Variants in ACOT12 observed in about 807,000 individuals in gnomAD.
ACOT12 encodes acyl-CoA thioesterase 12, also known as acetyl-coenzyme A thioesterase.
Under a neutral mutation model 67.7 loss-of-function variants are expected in ACOT12, and 51 were observed. The observed-to-expected ratio is 0.75, with a 90% confidence interval of 0.60 to 0.95. The LOEUF (loss-of-function observed/expected upper bound fraction) is 0.95. Ranked by LOEUF, ACOT12 falls within the 40% of genes least tolerant of loss-of-function variation. The probability of loss-of-function intolerance (pLI) is 0.00; values close to 1 mark genes in which losing one functional copy is unlikely to be tolerated. For synonymous variants in ACOT12, 251 were observed against 244.6 expected (o/e 1.03, Z -0.24); for missense variants, 734 against 708.1 (o/e 1.04, Z -0.41).
Position 81,393,715 on chromosome 5 carries a change from CAACA to C in ACOT12, c.127+269_127+272del, listed in dbSNP as rs549066696. Among the ~76,000 whole-genome samples, 1,146 of 151,312 alleles carry C rather than the reference CAACA, an allele frequency of 7.6e-3. 14 individuals carry two copies. The highest frequency in any genetic ancestry group is 0.025 in the African/African-American group (1,035 of 41,164). On this transcript the variant is annotated intron_variant, in intron 1 of 14. Coordinates refer to ENST00000307624, the MANE Select transcript of ACOT12 (RefSeq NM_130767.3). ...CCGGGAGAGAGCTCAACAACAACAA[CAACA>C]AACAAACAAACAAAAAACCCCGCAG...
chr5:81,309,188 A>T, the ACOT12 span: 1 of 547,330 alleles, frequency 1.8e-6, no homozygotes, highest in Non-Finnish European at 3.0e-6. Context: ...TATCATATGT[A>T]CTAGGCTTTT....
intron 12 of ACOT12, 150 bp downstream of exon 12, chr5:81,335,618 C>T: frequency 1.1e-6 from 1 of 928,478 alleles, no homozygotes; most frequent in Non-Finnish European, 1.6e-6. Flanking sequence ...CCTGCCTCAG[C>T]CTCCCAAAGT....
At chr5:81,393,915 C>CA (rs1052582484) in intron 1 of ACOT12, 73 bp downstream of exon 1, 3 of 1,268,342 alleles carry the variant, frequency 2.4e-6, no homozygotes, top group African/African-American at 3.2e-5. Flanking sequence ...CTTCCTACCC[C>CA]CCCCAGCCCC....
intron 10 of ACOT12, 102 bp downstream of exon 10, chr5:81,343,716 C>T: frequency 8.8e-6 from 10 of 1,133,772 alleles, no homozygotes; most frequent in Admixed American, 2.4e-5. Flanking sequence ...CACCTTTTCA[C>T]ATAGCCTGCG....
Position 81,343,874 on chromosome 5 carries a change from C to T in ACOT12, c.988G>A (p.Val330Ile). Residue 330 changes from valine to isoleucine, a missense_variant, in exon 10 of 15, where the codon GTT (valine) becomes ATT (isoleucine). Val to Ile is a conservative substitution (Grantham distance 29). Coordinates refer to ENST00000307624, the MANE Select transcript of ACOT12 (RefSeq NM_130767.3). The stretch of plus-strand genomic sequence containing the variant: ...GGAACCTCTTCTTTGTGGGAAATAA[C>T]ATATTTTCTGGAAAAAAAAATTAAA... ...RKRIRLGRKY[V>I]ISHKEEVPLC... The T allele has an allele frequency of 1.2e-6, 2 of 1,612,752 alleles. No homozygotes were observed. The highest frequency in any genetic ancestry group is 8.5e-7 in the Non-Finnish European group (1 of 1,179,610).
Position 81,394,019 on chromosome 5 carries a change from G to T in ACOT12, c.96C>A (p.Leu32=). 1 of 1,456,760 alleles carries T rather than the reference G, an allele frequency of 6.9e-7. No individual in the cohort carries two copies. The highest frequency in any genetic ancestry group is 3.0e-5 in the East Asian group (1 of 33,656). The allele number at this position is 1,456,760 out of a possible 1,614,324, so 90.2% of individuals were successfully genotyped here. ...GGCAGGCGGTGGTGTCGATCCACTTGAGCAGCTGCCCCGCGCTCAGCTCGC... is the reference window on the plus strand; with the variant it reads ...GGCAGGCGGTGGTGTCGATCCACTTTAGCAGCTGCCCCGCGCTCAGCTCGC... ...ARGELSAGQL[L]KWIDTTACLA... Residue 32 remains leucine (L), a synonymous_variant, in exon 1 of 15, where the codon CTC becomes CTA. Coordinates refer to ENST00000307624, the MANE Select transcript of ACOT12 (RefSeq NM_130767.3).
At chr5:81,326,511 A>G (rs368172685), downstream of ACOT12, among the ~76,000 whole-genome samples, 9 of 152,266 alleles carry the variant, frequency 5.9e-5, no homozygotes, top group East Asian at 1.5e-3. Flanking sequence ...GAAGGACTAT[A>G]TTACTCATGA....
Position 81,393,956 on chromosome 5 carries a change from C to T in ACOT12, c.127+32G>A, listed in dbSNP as rs577233060. On this transcript the variant is annotated intron_variant, in intron 1 of 14. Transcript: ENST00000307624. The stretch of plus-strand genomic sequence containing the variant: ...GCCGCCGCTCCCGCAGCCCCGGTCC[C>T]GCGCCTCCCCGCAGCCCCGGCGCCC... 3.8e-6 allele frequency: 5 copies of T among 1,310,030 alleles called. No homozygotes were observed. The South Asian group carries it at 1.1e-4, about 29-fold the overall frequency. The allele number at this position is 1,310,030 out of a possible 1,614,324, so 81.2% of individuals were successfully genotyped here. A position where few individuals can be genotyped will look rare whatever the true frequency, so the allele number is the denominator to read the frequency against.
At chr5:81,315,205 T>TG in the ACOT12 span, among the ~76,000 whole-genome samples, 1 of 152,152 alleles carries the variant, frequency 6.6e-6, no homozygotes, top group African/African-American at 2.4e-5. Context: ...CACTTTCCCC[T>TG]GGGGAAAAAG....
intron 3 of ACOT12, among the ~76,000 whole-genome samples, chr5:81,366,433 C>G (rs1313199613): frequency 6.6e-6 from 1 of 152,122 alleles, no homozygotes; most frequent in Non-Finnish European, 1.5e-5. Flanking sequence ...AATATAAGCA[C>G]CATGAACTCA....
chr5:81,312,238 G>A, the ACOT12 span, among the ~76,000 whole-genome samples: 5 of 152,206 alleles, frequency 3.3e-5, no homozygotes, highest in African/African-American at 1.2e-4. Flanking sequence ...GCTGTTTACA[G>A]ACTCTTGGAA....
intron 5 of ACOT12, among the ~76,000 whole-genome samples, chr5:81,352,094 G>A (rs971158948): frequency 1.3e-5 from 2 of 152,172 alleles, no homozygotes; most frequent in African/African-American, 4.8e-5. Context: ...TTATCCCAAA[G>A]ACAGGCAATA....
chr5:81,339,381 G>C (rs1024345210), intron 11 of ACOT12, among the ~76,000 whole-genome samples: 4 of 152,154 alleles, frequency 2.6e-5, no homozygotes, highest in Admixed American at 1.3e-4. Context: ...AGTGGTTCAT[G>C]TCATTCTGGC....
At chr5:81,365,949 C>T (rs993745708) in intron 3 of ACOT12, among the ~76,000 whole-genome samples, 3 of 152,146 alleles carry the variant, frequency 2.0e-5, no homozygotes, top group Non-Finnish European at 2.9e-5. Context: ...GGACCATATA[C>T]AGGGTGAAAC....
intron 3 of ACOT12, among the ~76,000 whole-genome samples, chr5:81,364,594 A>G (rs1326763334): frequency 1.3e-5 from 2 of 151,878 alleles, no homozygotes; most frequent in Non-Finnish European, 2.9e-5. Flanking sequence ...CACCCAGCTA[A>G]TTTTTTGTAT....
downstream of ACOT12, among the ~76,000 whole-genome samples, chr5:81,327,877 T>A (rs896118462): frequency 6.6e-5 from 10 of 152,238 alleles, no homozygotes; most frequent in Admixed American, 6.5e-4. Flanking sequence ...TCAGTGGGAC[T>A]AATTTTTCTA....
At chr5:81,364,520 C>T (rs559844022) in intron 3 of ACOT12, among the ~76,000 whole-genome samples, 40 of 152,132 alleles carry the variant, frequency 2.6e-4, no homozygotes, top group Non-Finnish European at 4.3e-4. Flanking sequence ...CTCCACCTCC[C>T]GGGTTCAAGC....
intron 2 of ACOT12, among the ~76,000 whole-genome samples, chr5:81,385,339 T>C (rs936838666): frequency 6.6e-6 from 1 of 152,150 alleles, no homozygotes; most frequent in African/African-American, 2.4e-5. Flanking sequence ...TGGTGGCATG[T>C]GCCTGTAGTC....
rs758956604 is a variant in ACOT12 at position 81,359,919 on chromosome 5, T to G, written c.480A>C (p.Glu160Asp). The G allele has an allele frequency of 1.2e-6, 2 of 1,606,926 alleles. No homozygotes were observed. The highest frequency in any genetic ancestry group is 2.3e-5 in the South Asian group (2 of 88,514). The change falls in exon 5 of 15, where the codon GAA becomes GAC. Residue 160 changes from glutamate (E) to aspartate (D), a missense_variant. Glu to Asp is a conservative substitution (Grantham distance 45). Coordinates refer to ENST00000307624, the MANE Select transcript of ACOT12 (RefSeq NM_130767.3). ...TTTACTGACCATCAAATTTGCTACT[T>G]TCCTTCATTAAATTGTTAAAGGTAT... Reference protein sequence around the residue: ...HEDTFNNLMKESSKFDDLIFD... With the variant: ...HEDTFNNLMKDSSKFDDLIFD...
Sources: allele counts gnomAD v4.1 joint callset (sites outside exome capture counted in the v4.1 genomes callset), GRCh38; gene constraint gnomAD v4.1.1; transcripts MANE v1.5; gene names NCBI Gene and HGNC (gene_info 2026-07-23, HGNC 2026-07-21).